The following PRELID2 variants were observed in gnomAD, a reference collection of about 807,000 sequenced individuals.
PRELID2 encodes the protein PRELI domain containing 2, also known as PRELI domain-containing protein 2.
A neutral mutation model predicts 28.4 loss-of-function variants in PRELID2; 25 were observed. The ratio of observed to expected loss-of-function variants is 0.88; its 90% CI spans 0.64 to 1.23. The LOEUF is 1.23. Ranked by LOEUF, PRELID2 falls within the 50% of genes most tolerant of loss-of-function variation. The pLI, the probability that PRELID2 is intolerant of heterozygous loss-of-function variation, is 0.00. For missense variants in PRELID2, 201 were observed against 214.4 expected, an observed-to-expected ratio of 0.94 and a Z score of 0.39; for synonymous variants, 76 against 71.6, an observed-to-expected ratio of 1.06 and a Z score of -0.31.
intron 5 of PRELID2, among the ~76,000 whole-genome samples, chr5:145,769,567 A>T (rs896585287): frequency 1.4e-4 from 21 of 152,236 alleles, no homozygotes; most frequent in African/African-American, 4.6e-4. Context: ...GAAGAGAGTA[A>T]TATTAGACCA....
chr5:145,449,022 A>G, the PRELID2 span, among the ~76,000 whole-genome samples: 1,720 of 152,268 alleles, frequency 0.011, 41 homozygotes, highest in African/African-American at 0.039. Flanking sequence ...ATTGCCCAGA[A>G]GCTCAAAGAA....
chr5:145,668,090 G>A (rs891847347), intron 1 of PRELID2, among the ~76,000 whole-genome samples: 31 of 152,058 alleles, frequency 2.0e-4, no homozygotes, highest in African/African-American at 7.5e-4. Flanking sequence ...TTTCAGGAAA[G>A]AAGAACTAGG....
chr5:145,418,991 G>A, the PRELID2 span, among the ~76,000 whole-genome samples: 1 of 147,858 alleles, frequency 6.8e-6, no homozygotes, highest in African/African-American at 2.5e-5. Context: ...TTGGTTTTTT[G>A]TTCTTGCGAT....
intron 1 of PRELID2, among the ~76,000 whole-genome samples, chr5:145,696,361 T>G (rs7704096): frequency 7.9e-5 from 12 of 152,192 alleles, no homozygotes; most frequent in African/African-American, 2.4e-4. Flanking sequence ...TATGGTCCCT[T>G]CCAAGCACAT....
the PRELID2 span, among the ~76,000 whole-genome samples, chr5:145,301,898 A>G: frequency 6.7e-6 from 1 of 149,696 alleles, no homozygotes; most frequent in African/African-American, 2.4e-5. Flanking sequence ...TCTTGAAAGC[A>G]GGTAACCTAA....
chr5:145,506,158 C>G (rs1054867073), intron 1 of PRELID2, among the ~76,000 whole-genome samples: 3 of 152,006 alleles, frequency 2.0e-5, no homozygotes, highest in Admixed American at 6.6e-5. Context: ...AATTATTGAC[C>G]CACAAGAGCC....
intron 1 of PRELID2, among the ~76,000 whole-genome samples, chr5:145,656,983 T>C: frequency 6.6e-6 from 1 of 152,164 alleles, no homozygotes; most frequent in Admixed American, 6.5e-5. Flanking sequence ...ATTTGGAAGA[T>C]TAATTAGAAC....
At chr5:145,550,782 T>C (rs1163108237) in intron 1 of PRELID2, among the ~76,000 whole-genome samples, 1 of 152,212 alleles carries the variant, frequency 6.6e-6, no homozygotes, top group African/African-American at 2.4e-5. Context: ...TTTTCCGTTG[T>C]AGAGCCATTT....
intron 1 of PRELID2, among the ~76,000 whole-genome samples, chr5:145,476,235 T>G (rs1205630973): frequency 6.6e-6 from 1 of 152,240 alleles, no homozygotes; most frequent in Non-Finnish European, 1.5e-5. Context: ...TGCCCATTTA[T>G]TCTAGTCACA....
At chr5:145,339,176 C>T in the PRELID2 span, among the ~76,000 whole-genome samples, 1 of 152,166 alleles carries the variant, frequency 6.6e-6, no homozygotes, top group African/African-American at 2.4e-5. Context: ...ATGCCTCTGA[C>T]ACATAGCTCA....
At chr5:145,674,781 T>C (rs1754780895) in intron 1 of PRELID2, among the ~76,000 whole-genome samples, 1 of 152,108 alleles carries the variant, frequency 6.6e-6, no homozygotes, top group Non-Finnish European at 1.5e-5. Flanking sequence ...ACCCTGTCTC[T>C]ACTAAAAATA....
intron 1 of PRELID2, among the ~76,000 whole-genome samples, chr5:145,749,729 G>A (rs1452596628): frequency 6.6e-6 from 1 of 152,140 alleles, no homozygotes; most frequent in Non-Finnish European, 1.5e-5. Context: ...GCCTATCAAT[G>A]ATAGACTGGA....
At chr5:145,331,762 C>T in the PRELID2 span, among the ~76,000 whole-genome samples, 2 of 152,050 alleles carry the variant, frequency 1.3e-5, no homozygotes, top group Admixed American at 1.3e-4. Flanking sequence ...GCATTTAGCC[C>T]ATTTACATTT....
rs1755058738 is a variant in PRELID2, at chr5:145,687,421, T to C, written n.70+77510A>G. ...GGCCTGGACTCTTCAAAAATATCAA[T>C]GTCATGAAAGTCAAGGAAAGGCCTA... On this transcript the variant is annotated intron_variant and non_coding_transcript_variant, in intron 1 of 2. Coordinates refer to the PRELID2 transcript ENST00000510259. Among the ~76,000 whole-genome samples, 4 of 152,106 alleles carry C rather than the reference T, an allele frequency of 2.6e-5. No individual in the cohort carries two copies. In the South Asian group the frequency reaches 6.2e-4, roughly 24 times the overall value.
At chr5:145,690,343 G>C (rs534246281) in intron 1 of PRELID2, among the ~76,000 whole-genome samples, 1 of 152,134 alleles carries the variant, frequency 6.6e-6, no homozygotes, top group Non-Finnish European at 1.5e-5. Flanking sequence ...TTCCAATTCA[G>C]TTTAGCAGTG....
At chr5:145,230,565 C>A in the PRELID2 span, among the ~76,000 whole-genome samples, 9 of 150,924 alleles carry the variant, frequency 6.0e-5, no homozygotes, top group Non-Finnish European at 1.3e-4. Context: ...GGCAACAGAG[C>A]GAGACTCTGT....
At chr5:145,349,288 A>T in the PRELID2 span, among the ~76,000 whole-genome samples, 14 of 152,050 alleles carry the variant, frequency 9.2e-5, no homozygotes, top group South Asian at 2.7e-3. Context: ...ATTTTTAAAT[A>T]TTTTTTTTCA....
At chr5:145,796,849 G>A (rs1039264595) in intron 4 of PRELID2, among the ~76,000 whole-genome samples, 5 of 151,926 alleles carry the variant, frequency 3.3e-5, no homozygotes, top group African/African-American at 1.2e-4. Context: ...TCTATAACTC[G>A]GTTTCCTCAC....
At chr5:145,346,478 T>A in the PRELID2 span, among the ~76,000 whole-genome samples, 1 of 152,134 alleles carries the variant, frequency 6.6e-6, no homozygotes, top group Non-Finnish European at 1.5e-5. Flanking sequence ...TGGCCCAAGA[T>A]AATGCACTAA....
Sources: allele counts gnomAD v4.1 joint callset (sites outside exome capture counted in the v4.1 genomes callset), GRCh38; gene constraint gnomAD v4.1.1; transcripts MANE v1.5; gene names NCBI Gene and HGNC (gene_info 2026-07-23, HGNC 2026-07-21).